Variants in PELI2 observed in about 807,000 individuals in gnomAD.
PELI2 encodes the protein E3 ubiquitin-protein ligase pellino homolog 2.
PELI2 carries 23 observed loss-of-function variants against 42.3 expected under a neutral mutation model. That is an observed-to-expected ratio of 0.54 (90% CI 0.39 to 0.77). The LOEUF is 0.77. Ranked by LOEUF, PELI2 falls within the 30% of genes least tolerant of loss-of-function variation. The pLI is 0.00. For missense variants in PELI2, 463 were observed against 553.2 expected (o/e 0.84, Z 1.64); for synonymous variants, 245 against 212.2 (o/e 1.15, Z -1.34).
chr14:56,280,528 G>C (rs1286067381), intron 3 of PELI2, among the ~76,000 whole-genome samples: 1 of 152,028 alleles, frequency 6.6e-6, no homozygotes, highest in African/African-American at 2.4e-5. Context: ...GAATTGATGA[G>C]GCTTTGCATT....
intron 2 of PELI2, among the ~76,000 whole-genome samples, chr14:56,207,099 T>G (rs1886545007): frequency 6.6e-6 from 1 of 152,304 alleles, no homozygotes; most frequent in Admixed American, 6.5e-5. Context: ...AACATACGAC[T>G]TTAAGATTCA....
At chr14:56,159,851 C>T (rs1216629065) in intron 1 of PELI2, among the ~76,000 whole-genome samples, 2 of 152,072 alleles carry the variant, frequency 1.3e-5, no homozygotes, top group Non-Finnish European at 2.9e-5. Context: ...CTGCTGTTGA[C>T]CCTCCAGCAA....
intron 2 of PELI2, among the ~76,000 whole-genome samples, chr14:56,228,316 C>T (rs1042233246): frequency 1.3e-5 from 2 of 152,174 alleles, no homozygotes; most frequent in African/African-American, 4.8e-5. Context: ...ATCAGTGCCA[C>T]TCTGGGAACC....
intron 2 of PELI2, among the ~76,000 whole-genome samples, chr14:56,194,165 T>G (rs946327743): frequency 3.3e-5 from 5 of 152,170 alleles, no homozygotes; most frequent in Admixed American, 3.3e-4. Context: ...ACCTGGAAGC[T>G]GGGGCCCTGA....
intron 2 of PELI2, among the ~76,000 whole-genome samples, chr14:56,241,651 T>A (rs895583676): frequency 3.3e-5 from 5 of 152,162 alleles, no homozygotes; most frequent in African/African-American, 1.2e-4. Context: ...CAGGGCACTT[T>A]ATTGTGAAAT....
chr14:56,209,525 G>GT (rs1308617473), intron 2 of PELI2, among the ~76,000 whole-genome samples: 2 of 136,548 alleles, frequency 1.5e-5, no homozygotes, highest in Non-Finnish European at 3.3e-5. Flanking sequence ...TGGAAAATAG[G>GT]TTTTTTTAAT....
At chr14:56,157,284 A>G (rs1223590298) in intron 1 of PELI2, among the ~76,000 whole-genome samples, 1 of 152,212 alleles carries the variant, frequency 6.6e-6, no homozygotes, top group Non-Finnish European at 1.5e-5. Context: ...AAGAAAATGT[A>G]CTTCTAGAGA....
intron 3 of PELI2, among the ~76,000 whole-genome samples, chr14:56,286,035 T>C (rs1889634305): frequency 6.6e-6 from 1 of 152,198 alleles, no homozygotes; most frequent in Admixed American, 6.5e-5. Flanking sequence ...CAAGTACTCA[T>C]TTTTATTGTA....
At chr14:56,175,062 C>G (rs1368585325) in intron 1 of PELI2, among the ~76,000 whole-genome samples, 1 of 152,150 alleles carries the variant, frequency 6.6e-6, no homozygotes, top group Non-Finnish European at 1.5e-5. Flanking sequence ...GTGGCATGAT[C>G]TTGGCTCACT....
chr14:56,165,157 A>T (rs546585406), intron 1 of PELI2, among the ~76,000 whole-genome samples: 1 of 152,176 alleles, frequency 6.6e-6, no homozygotes, highest in African/African-American at 2.4e-5. Flanking sequence ...GATGTAGGCC[A>T]TTAACAGCTA....
intron 1 of PELI2, among the ~76,000 whole-genome samples, chr14:56,131,738 C>G (rs897733681): frequency 2.6e-5 from 4 of 152,130 alleles, no homozygotes; most frequent in African/African-American, 9.7e-5. Context: ...AATTTGTTTC[C>G]TCCTCTTCCC....
intron 2 of PELI2, among the ~76,000 whole-genome samples, chr14:56,265,399 G>C (rs555361114): frequency 6.6e-6 from 1 of 151,992 alleles, no homozygotes. Context: ...TTAAACAGAC[G>C]GTGCTGTTTC....
At chr14:56,245,088 A>G (rs1888103773) in intron 2 of PELI2, among the ~76,000 whole-genome samples, 1 of 152,208 alleles carries the variant, frequency 6.6e-6, no homozygotes. Flanking sequence ...TCTTAATTCG[A>G]AACATTGCAT....
At chr14:56,152,625 C>T (rs1245602853) in intron 1 of PELI2, among the ~76,000 whole-genome samples, 3 of 152,234 alleles carry the variant, frequency 2.0e-5, no homozygotes, top group African/African-American at 4.8e-5. Context: ...TTGGGTCAGT[C>T]TGAGGAAGGT....
chr14:56,148,024 T>TA (rs995581902), intron 1 of PELI2, among the ~76,000 whole-genome samples: 3 of 152,326 alleles, frequency 2.0e-5, no homozygotes, highest in African/African-American at 7.2e-5. Context: ...GGTCATAATG[T>TA]AAAGTTCAGC....
chr14:56,145,272 AC>A (rs1595554305), intron 1 of PELI2, among the ~76,000 whole-genome samples: 1 of 152,258 alleles, frequency 6.6e-6, no homozygotes, highest in East Asian at 1.9e-4. Context: ...CAATCATGAA[AC>A]AGTGCTGGGG....
chr14:56,208,993 T>C (rs1886616864), intron 2 of PELI2, among the ~76,000 whole-genome samples: 1 of 152,222 alleles, frequency 6.6e-6, no homozygotes, highest in African/African-American at 2.4e-5. Context: ...ACTTGACAGT[T>C]CCGAATACTT....
chr14:56,178,673 G>A (rs1331951867), intron 2 of PELI2, among the ~76,000 whole-genome samples: 1 of 152,212 alleles, frequency 6.6e-6, no homozygotes, highest in Non-Finnish European at 1.5e-5. Flanking sequence ...AGTGCCAGTA[G>A]CACCCCCGCA....
At chr14:56,135,908 A>T (rs553796913) in intron 1 of PELI2, among the ~76,000 whole-genome samples, 12 of 152,256 alleles carry the variant, frequency 7.9e-5, no homozygotes, top group Admixed American at 4.6e-4. Context: ...GATTTTTTTT[A>T]AAATTAGAGT....
Sources: gnomAD v4.1 joint callset for allele counts (sites outside exome capture counted in the v4.1 genomes callset) on GRCh38, gnomAD v4.1.1 for gene constraint, MANE v1.5 for transcripts, NCBI Gene and HGNC (gene_info 2026-07-23, HGNC 2026-07-21) for gene names.